The following ROBO2 variants were observed in gnomAD, a reference collection of about 807,000 sequenced individuals.
The protein encoded by ROBO2 is roundabout guidance receptor 2, also known as roundabout homolog 2.
A neutral mutation model predicts 160.8 loss-of-function variants in ROBO2; 53 were observed. The observed-to-expected ratio is 0.33, with a 90% confidence interval of 0.26 to 0.41. The LOEUF (loss-of-function observed/expected upper bound fraction) is 0.41. Ranked by LOEUF, ROBO2 falls within the 10% of genes least tolerant of loss-of-function variation. The pLI is 1.00. For missense variants in ROBO2, 1,577 were observed against 1,722.4 expected (o/e 0.92, Z 1.49); for synonymous variants, 664 against 611.7 (o/e 1.09, Z -1.26).
intron 2 of ROBO2, among the ~76,000 whole-genome samples, chr3:77,027,744 T>G (rs1031974520): frequency 6.6e-6 from 1 of 152,138 alleles, no homozygotes; most frequent in Non-Finnish European, 1.5e-5. Flanking sequence ...GCACCTGTAC[T>G]GCTCTCAGAT....
intron 2 of ROBO2, among the ~76,000 whole-genome samples, chr3:77,129,780 C>T (rs1259008719): frequency 6.6e-6 from 1 of 152,010 alleles, no homozygotes; most frequent in African/African-American, 2.4e-5. Context: ...TGCCGGGATT[C>T]AGAAAGCTGT....
chr3:77,340,518 T>C (rs2066950143), intron 2 of ROBO2, among the ~76,000 whole-genome samples: 1 of 152,114 alleles, frequency 6.6e-6, no homozygotes, highest in Non-Finnish European at 1.5e-5. Flanking sequence ...ACTGTTGAAT[T>C]TTCTGGCAAA....
intron 2 of ROBO2, among the ~76,000 whole-genome samples, chr3:76,928,452 A>T (rs981262153): frequency 2.1e-5 from 3 of 142,758 alleles, no homozygotes; most frequent in African/African-American, 5.1e-5. Context: ...GTTTATGATA[A>T]TTTTTTTTTT....
At chr3:76,862,757 A>C (rs556886538) in intron 2 of ROBO2, among the ~76,000 whole-genome samples, 1 of 152,244 alleles carries the variant, frequency 6.6e-6, no homozygotes, top group South Asian at 2.1e-4. Flanking sequence ...CCAAGATGTC[A>C]TATTTTGGGG....
At chr3:76,717,223 G>A (rs1418316077) in intron 2 of ROBO2, among the ~76,000 whole-genome samples, 1 of 151,624 alleles carries the variant, frequency 6.6e-6, no homozygotes, top group African/African-American at 2.4e-5. Context: ...GCTGGGCACG[G>A]TGGCTCACGC....
intron 2 of ROBO2, among the ~76,000 whole-genome samples, chr3:75,963,851 G>A (rs7642330): frequency 0.058 from 8,733 of 151,732 alleles, 729 homozygotes; most frequent in African/African-American, 0.18. Flanking sequence ...GTGCATACAC[G>A]TAGCTGATTT....
At chr3:75,925,285 C>T (rs928296425) in intron 1 of ROBO2, among the ~76,000 whole-genome samples, 1 of 144,998 alleles carries the variant, frequency 6.9e-6, no homozygotes, top group African/African-American at 2.4e-5. Context: ...CCTGGCTACT[C>T]CGGAGGCTGC....
intron 2 of ROBO2, among the ~76,000 whole-genome samples, chr3:76,703,002 A>G (rs2107487038): frequency 6.6e-6 from 1 of 152,258 alleles, no homozygotes; most frequent in Non-Finnish European, 1.5e-5. Flanking sequence ...TATGAAAATC[A>G]GTGGAAGGGT....
intron 2 of ROBO2, among the ~76,000 whole-genome samples, chr3:77,146,660 G>A (rs560088213): frequency 4.0e-5 from 6 of 149,588 alleles, no homozygotes; most frequent in South Asian, 2.1e-4. Context: ...TCAGGTATGC[G>A]TACAGGTGTA....
chr3:77,594,714 T>C (rs966493769), intron 17 of ROBO2, among the ~76,000 whole-genome samples: 1 of 152,206 alleles, frequency 6.6e-6, no homozygotes, highest in African/African-American at 2.4e-5. Context: ...CGACGTAACA[T>C]GTTGGAACTT....
At chr3:77,225,225 A>G (rs550374504) in intron 2 of ROBO2, among the ~76,000 whole-genome samples, 9 of 152,036 alleles carry the variant, frequency 5.9e-5, no homozygotes, top group Non-Finnish European at 1.3e-4. Flanking sequence ...AATTTATTGT[A>G]GGCACTTTGT....
chr3:77,143,996 G>A (rs1419939071), intron 2 of ROBO2, among the ~76,000 whole-genome samples: 2 of 152,030 alleles, frequency 1.3e-5, no homozygotes, highest in Admixed American at 1.3e-4. Context: ...AGTTATGTCA[G>A]GTTAAATTAA....
intron 7 of ROBO2, 94 bp from the exon 9 acceptor site, chr3:77,550,724 T>C: frequency 7.7e-7 from 1 of 1,296,198 alleles, no homozygotes. Flanking sequence ...GTATTTTCTT[T>C]TTCCCACTGT....
chr3:77,607,876 TC>T lies in ROBO2; in HGVS notation c.3218del (p.Pro1073LeufsTer100). On this transcript the variant is annotated frameshift_variant, in exon 21 of 26. Coordinates refer to ENST00000461745, the Ensembl canonical transcript of ROBO2. LOFTEE classifies it high-confidence loss of function. ...AACAATGGATCCACTTGGGCCAATG[TC>T]CCTCTACCTCCCCCCCCAGTCCAGC... is the stretch of plus-strand genomic sequence containing the variant. 1 of 1,613,896 alleles carries T rather than the reference TC, an allele frequency of 6.2e-7. No homozygotes were observed. The highest frequency in any genetic ancestry group is 8.5e-7 in the Non-Finnish European group (1 of 1,179,926).
At chr3:76,751,439 C>A (rs1342790938) in intron 2 of ROBO2, among the ~76,000 whole-genome samples, 1 of 151,994 alleles carries the variant, frequency 6.6e-6, no homozygotes, top group Non-Finnish European at 1.5e-5. Flanking sequence ...CAACAAAAGT[C>A]AAAATTGAGA....
intron 2 of ROBO2, among the ~76,000 whole-genome samples, chr3:77,170,671 A>G (rs561987603): frequency 6.6e-6 from 1 of 152,268 alleles, no homozygotes; most frequent in South Asian, 2.1e-4. Flanking sequence ...GCATTATAGA[A>G]TCGCTTAGCT....
chr3:75,960,921 A>G (rs905824905), intron 2 of ROBO2, among the ~76,000 whole-genome samples: 4 of 151,786 alleles, frequency 2.6e-5, no homozygotes, highest in African/African-American at 9.7e-5. Context: ...GTTAGTGACT[A>G]ACATATACTT....
At chr3:76,481,637 C>T (rs2107334456) in intron 2 of ROBO2, among the ~76,000 whole-genome samples, 1 of 152,240 alleles carries the variant, frequency 6.6e-6, no homozygotes. Flanking sequence ...GTTAGAAATG[C>T]AAATTCTTGG....
At chr3:77,537,708 G>A (rs2092215561) in intron 6 of ROBO2, among the ~76,000 whole-genome samples, 1 of 152,180 alleles carries the variant, frequency 6.6e-6, no homozygotes, top group Admixed American at 6.5e-5. Flanking sequence ...AAGGAAAAGA[G>A]GTTTAATCGA....
Sources: gnomAD v4.1 joint callset for allele counts (sites outside exome capture counted in the v4.1 genomes callset) on GRCh38, gnomAD v4.1.1 for gene constraint, MANE v1.5 for transcripts, NCBI Gene and HGNC (gene_info 2026-07-23, HGNC 2026-07-21) for gene names.